Variants in RPS6KC1 observed in about 807,000 individuals in gnomAD.
The protein encoded by RPS6KC1 is ribosomal protein S6 kinase C1, also known as inactive ribosomal protein S6 kinase delta-1.
A neutral mutation model predicts 103.8 loss-of-function variants in RPS6KC1; 54 were observed. That is an observed-to-expected ratio of 0.52 (90% CI 0.42 to 0.65). RPS6KC1 has a LOEUF of 0.65. Ranked by LOEUF, RPS6KC1 falls within the 30% of genes least tolerant of loss-of-function variation. The pLI is 0.00. For missense variants in RPS6KC1, 1,151 were observed against 1,253.8 expected, an observed-to-expected ratio of 0.92 and a Z score of 1.24; for synonymous variants, 439 against 438.7, an observed-to-expected ratio of 1.00 and a Z score of -0.01.
the RPS6KC1 span, among the ~76,000 whole-genome samples, chr1:213,295,916 G>T: frequency 2.2e-4 from 33 of 152,288 alleles, 1 homozygote; most frequent in African/African-American, 6.3e-4. Context: ...GGAGAAGATA[G>T]TTCTAAGTTT....
chr1:213,511,601 G>A, the RPS6KC1 span, among the ~76,000 whole-genome samples: 1 of 152,172 alleles, frequency 6.6e-6, no homozygotes, highest in Admixed American at 6.5e-5. Context: ...AATAAGGCCG[G>A]TATAATCCAG....
chr1:213,679,370 ACAGT>A, the RPS6KC1 span, among the ~76,000 whole-genome samples: 16 of 152,244 alleles, frequency 1.1e-4, no homozygotes, highest in South Asian at 2.1e-4. Context: ...AATGCTTGTG[ACAGT>A]CAGGCTGCGT....
At chr1:213,573,067 C>T in the RPS6KC1 span, among the ~76,000 whole-genome samples, 3 of 152,164 alleles carry the variant, frequency 2.0e-5, no homozygotes, top group African/African-American at 7.2e-5. Flanking sequence ...TAGATAAGAA[C>T]TTCTATGTCA....
chr1:213,554,521 C>G, the RPS6KC1 span, among the ~76,000 whole-genome samples: 1,169 of 152,248 alleles, frequency 7.7e-3, 10 homozygotes, highest in Non-Finnish European at 0.013. Context: ...TCTTTGGTTC[C>G]AAATGAATTT....
At position 213,242,291 on chromosome 1, in the gene RPS6KC1, G is replaced by T; in HGVS notation, c.2815G>T (p.Asp939Tyr). ...GAACCCAAACAACATCTTATTGAAT[G>T]ATAGAGGTCAGGAACTTTTGCAAAT... ...DLNPNNILLN[D>Y]RGHIQLTYFS... The change falls in exon 11 of 15, where the codon GAT (aspartate) becomes TAT (tyrosine). Residue 939 changes from aspartate to tyrosine, a missense_variant. Physicochemically the swap from Asp to Tyr is radical, Grantham distance 160 (BLOSUM62 -3). This residue lies in a region of RPS6KC1 where 189 missense variants were observed against 228.8 expected (regional missense o/e 0.83). Coordinates refer to ENST00000366960, the MANE Select transcript of RPS6KC1 (RefSeq NM_012424.6). 6.2e-7 allele frequency: 1 copy of T among 1,613,772 alleles called. No homozygotes were observed. Among genetic ancestry groups the T allele is most frequent in the Non-Finnish European group, 8.5e-7 (1 of 1,179,824 alleles).
the RPS6KC1 span, among the ~76,000 whole-genome samples, chr1:213,376,968 CTG>C: frequency 6.6e-6 from 1 of 152,182 alleles, no homozygotes; most frequent in Non-Finnish European, 1.5e-5. Flanking sequence ...GCTTCTCAAT[CTG>C]TGTAACATTC....
chr1:213,501,795 C>T, the RPS6KC1 span, among the ~76,000 whole-genome samples: 1 of 151,028 alleles, frequency 6.6e-6, no homozygotes, highest in Admixed American at 6.6e-5. Context: ...TTTACAAAAA[C>T]TGCATACATT....
chr1:213,836,170 A>G, the RPS6KC1 span: 1 of 152,296 alleles, frequency 6.6e-6, no homozygotes, highest in East Asian at 1.9e-4. Context: ...TTTATAAAAA[A>G]TAGTATCAAC....
At chr1:213,681,531 C>A in the RPS6KC1 span, among the ~76,000 whole-genome samples, 2 of 152,038 alleles carry the variant, frequency 1.3e-5, no homozygotes, top group Non-Finnish European at 2.9e-5. Flanking sequence ...AGCACAGTGC[C>A]TTATGCCTGT....
chr1:213,677,196 C>G, the RPS6KC1 span, among the ~76,000 whole-genome samples: 2 of 152,174 alleles, frequency 1.3e-5, no homozygotes, highest in Non-Finnish European at 2.9e-5. Context: ...GCATCTGGCC[C>G]TTTTAAAGGA....
At chr1:213,750,529 A>G in the RPS6KC1 span, among the ~76,000 whole-genome samples, 1 of 152,312 alleles carries the variant, frequency 6.6e-6, no homozygotes, top group Non-Finnish European at 1.5e-5. Context: ...TGCTGAGAAT[A>G]AGGATGGATA....
the RPS6KC1 span, among the ~76,000 whole-genome samples, chr1:213,331,685 C>T: frequency 2.0e-5 from 3 of 152,126 alleles, no homozygotes; most frequent in Non-Finnish European, 2.9e-5. Flanking sequence ...ACAGGGAAGT[C>T]GGTGGCATTG....
the RPS6KC1 span, among the ~76,000 whole-genome samples, chr1:213,328,610 T>TGA: frequency 2.0e-5 from 3 of 147,520 alleles, no homozygotes; most frequent in South Asian, 6.5e-4. Context: ...TAGGAACCAC[T>TGA]GAGAGGTCTC....
the RPS6KC1 span, among the ~76,000 whole-genome samples, chr1:213,617,853 G>T: frequency 6.6e-6 from 1 of 152,162 alleles, no homozygotes; most frequent in East Asian, 1.9e-4. Context: ...TTTTCTTATT[G>T]CTCTAGCTCT....
the RPS6KC1 span, among the ~76,000 whole-genome samples, chr1:213,406,545 A>G: frequency 6.6e-6 from 1 of 152,128 alleles, no homozygotes; most frequent in Non-Finnish European, 1.5e-5. Flanking sequence ...GCTCGTGTGT[A>G]AAGAGCTCCT....
At chr1:213,769,679 G>C in the RPS6KC1 span, among the ~76,000 whole-genome samples, 1 of 152,044 alleles carries the variant, frequency 6.6e-6, no homozygotes, top group Non-Finnish European at 1.5e-5. Context: ...TTGGAAAAGG[G>C]CAGGAATGAA....
the RPS6KC1 span, among the ~76,000 whole-genome samples, chr1:213,853,071 C>T: frequency 6.6e-6 from 1 of 152,134 alleles, no homozygotes; most frequent in African/African-American, 2.4e-5. Flanking sequence ...ACACAAGGGG[C>T]CCAAGGCAAT....
At chr1:213,774,316 C>T in the RPS6KC1 span, among the ~76,000 whole-genome samples, 3 of 152,148 alleles carry the variant, frequency 2.0e-5, no homozygotes, top group Non-Finnish European at 4.4e-5. Context: ...TCCCAGTCCT[C>T]GGGATTGCAA....
At chr1:213,566,644 C>T in the RPS6KC1 span, among the ~76,000 whole-genome samples, 2 of 151,408 alleles carry the variant, frequency 1.3e-5, no homozygotes, top group African/African-American at 2.4e-5. Context: ...ATTCGGGTAC[C>T]TTCAGATCTT....
Sources: allele counts gnomAD v4.1 joint callset (sites outside exome capture counted in the v4.1 genomes callset), GRCh38; gene constraint gnomAD v4.1.1; regional missense constraint gnomAD v4.1.1; transcripts MANE v1.5; gene names NCBI Gene and HGNC (gene_info 2026-07-23, HGNC 2026-07-21).